Variants in NPAS3 observed in about 807,000 individuals in gnomAD.
The protein encoded by NPAS3 is neuronal PAS domain protein 3, also known as neuronal PAS domain-containing protein 3.
A neutral mutation model predicts 73.1 loss-of-function variants in NPAS3; 14 were observed. The ratio of observed to expected loss-of-function variants is 0.19; its 90% CI spans 0.13 to 0.30. The LOEUF (loss-of-function observed/expected upper bound fraction) is 0.30, where lower values mean the gene tolerates loss of function less well. Among genes scored for constraint, NPAS3 ranks in the 10% least tolerant of loss-of-function variants. The pLI is 1.00. For synonymous variants in NPAS3, 620 were observed against 541.5 expected (o/e 1.14, Z -2.01); for missense variants, 1,096 against 1,250.0 (o/e 0.88, Z 1.86).
intron 4 of NPAS3, 61 bp downstream of exon 4, chr14:33,367,329 T>G: frequency 1.3e-6 from 1 of 751,050 alleles, no homozygotes; most frequent in Non-Finnish European, 2.3e-6. Context: ...ATATGTTTAG[T>G]CTTTTTTTTA....
intron 4 of NPAS3, among the ~76,000 whole-genome samples, chr14:33,401,617 G>T (rs895552146): frequency 6.6e-6 from 1 of 152,070 alleles, no homozygotes; most frequent in East Asian, 1.9e-4. Context: ...ATGTGAAAGG[G>T]AGGTGATTTT....
intron 4 of NPAS3, among the ~76,000 whole-genome samples, chr14:33,544,788 T>TTATACATATATATATATA (rs1555409892): frequency 2.8e-4 from 18 of 63,264 alleles, no homozygotes; most frequent in African/African-American, 1.6e-3. Flanking sequence ...TGTGTGTGTA[T>TTATACATATATATATATA]TATATATATA....
At chr14:33,620,290 G>C (rs925028009) in intron 5 of NPAS3, among the ~76,000 whole-genome samples, 4 of 152,166 alleles carry the variant, frequency 2.6e-5, no homozygotes, top group African/African-American at 9.6e-5. Flanking sequence ...CCTTTGATGA[G>C]AAGGTACTTC....
At chr14:33,178,974 T>C (rs1487685181) in intron 2 of NPAS3, among the ~76,000 whole-genome samples, 1 of 152,212 alleles carries the variant, frequency 6.6e-6, no homozygotes, top group African/African-American at 2.4e-5. Flanking sequence ...TTTTTCGTGT[T>C]GTAGAAAATC....
At chr14:33,657,622 A>T (rs1377670578) in intron 5 of NPAS3, among the ~76,000 whole-genome samples, 2 of 152,192 alleles carry the variant, frequency 1.3e-5, no homozygotes, top group Non-Finnish European at 2.9e-5. Flanking sequence ...AGAGGGGAAG[A>T]GGAAGCGGGA....
At chr14:33,139,812 G>A (rs866590211) in intron 2 of NPAS3, among the ~76,000 whole-genome samples, 18 of 152,272 alleles carry the variant, frequency 1.2e-4, no homozygotes, top group African/African-American at 3.8e-4. Context: ...AGTGCAGATC[G>A]TAGAACACTT....
At chr14:33,191,156 G>A (rs1179495247) in intron 2 of NPAS3, among the ~76,000 whole-genome samples, 3 of 152,188 alleles carry the variant, frequency 2.0e-5, no homozygotes, top group Admixed American at 2.0e-4. Context: ...TCTCAAATGT[G>A]TGCTCTTACT....
intron 5 of NPAS3, chr14:33,612,274 C>A: frequency 2.6e-6 from 1 of 390,182 alleles, no homozygotes. Flanking sequence ...CACTGTTCAG[C>A]TGATCTCTCT....
At chr14:33,433,068 T>C (rs1236148235) in intron 4 of NPAS3, among the ~76,000 whole-genome samples, 1 of 152,190 alleles carries the variant, frequency 6.6e-6, no homozygotes, top group Non-Finnish European at 1.5e-5. Context: ...TTGTTCAATG[T>C]CATCAAGTTG....
At chr14:33,026,347 T>C (rs1418395943) in intron 1 of NPAS3, among the ~76,000 whole-genome samples, 1 of 152,210 alleles carries the variant, frequency 6.6e-6, no homozygotes, top group Non-Finnish European at 1.5e-5. Context: ...AATCAACTGT[T>C]CTTCACTAAA....
rs377182338 is a variant in NPAS3 at position 33,234,847 on chromosome 14, G to A, written c.385+19421G>A. On this transcript the variant is annotated intron_variant, in intron 3 of 11. Coordinates refer to ENST00000356141, the Ensembl canonical transcript of NPAS3. The stretch of plus-strand genomic sequence containing the variant: ...TCCCACATTTGGTTTTTGATTGCTC[G>A]TGTTGCAACTCATCATCTGTAAGCA... Among the ~76,000 whole-genome samples, 4 of 152,004 alleles carry A rather than the reference G, an allele frequency of 2.6e-5. No individual in the cohort carries two copies. In the South Asian group the frequency reaches 8.3e-4, roughly 32 times the overall value.
chr14:33,370,320 T>C (rs1434584713), intron 4 of NPAS3, among the ~76,000 whole-genome samples: 1 of 152,138 alleles, frequency 6.6e-6, no homozygotes, highest in African/African-American at 2.4e-5. Context: ...TGTTGATGGA[T>C]GAATAGAAGT....
intron 3 of NPAS3, among the ~76,000 whole-genome samples, chr14:33,335,225 G>A (rs960400101): frequency 6.6e-6 from 1 of 152,116 alleles, no homozygotes; most frequent in African/African-American, 2.4e-5. Flanking sequence ...CTAGAAGTGG[G>A]AGAGTCCTTA....
intron 4 of NPAS3, among the ~76,000 whole-genome samples, chr14:33,412,891 G>C (rs2047989721): frequency 6.6e-6 from 1 of 152,192 alleles, no homozygotes; most frequent in Admixed American, 6.5e-5. Flanking sequence ...ATCTGTGCTA[G>C]GAACTAGGAA....
chr14:33,284,555 T>C (rs777527593), intron 3 of NPAS3, among the ~76,000 whole-genome samples: 1 of 152,120 alleles, frequency 6.6e-6, no homozygotes, highest in Non-Finnish European at 1.5e-5. Context: ...CCACATTATA[T>C]GCACTGTTTA....
intron 1 of NPAS3, among the ~76,000 whole-genome samples, chr14:33,010,861 G>C (rs2039163956): frequency 6.6e-6 from 1 of 151,396 alleles, no homozygotes; most frequent in Non-Finnish European, 1.5e-5. Flanking sequence ...CTTGTGTCCA[G>C]GAGTTTGAGG....
intron 6 of NPAS3, among the ~76,000 whole-genome samples, chr14:33,685,270 A>G (rs116245518): frequency 6.6e-4 from 100 of 152,338 alleles, no homozygotes; most frequent in African/African-American, 2.4e-3. Flanking sequence ...TAAGTAGGAT[A>G]GCATCATAGC....
intron 1 of NPAS3, among the ~76,000 whole-genome samples, chr14:33,024,404 T>C (rs2039726196): frequency 6.6e-6 from 1 of 152,042 alleles, no homozygotes; most frequent in Non-Finnish European, 1.5e-5. Context: ...ACTACTGACC[T>C]CATGATCCGC....
intron 1 of NPAS3, among the ~76,000 whole-genome samples, chr14:32,994,969 G>A (rs950647517): frequency 6.6e-6 from 1 of 152,118 alleles, no homozygotes; most frequent in African/African-American, 2.4e-5. Flanking sequence ...TAAGCACTTT[G>A]AGTTCCTTGA....
Sources: gnomAD v4.1 joint callset for allele counts (sites outside exome capture counted in the v4.1 genomes callset) on GRCh38, gnomAD v4.1.1 for gene constraint, MANE v1.5 for transcripts, NCBI Gene and HGNC (gene_info 2026-07-23, HGNC 2026-07-21) for gene names.